Variants in FBN1 observed in about 807,000 individuals in gnomAD.
FBN1 encodes the protein fibrillin 1, also known as fibrillin-1.
In FBN1, 29 loss-of-function variants were observed where a neutral mutation model predicts 365.1. That is an observed-to-expected ratio of 0.08 (90% CI 0.06 to 0.11). The LOEUF (loss-of-function observed/expected upper bound fraction) is 0.11. FBN1 is among the 10% of genes least tolerant of loss of function. The pLI, the probability that FBN1 is intolerant of heterozygous loss-of-function variation, is 1.00. For missense variants in FBN1, 2,476 were observed against 3,703.2 expected (o/e 0.67, Z 8.60); for synonymous variants, 1,210 against 1,270.5 (o/e 0.95, Z 1.01).
At chr15:48,623,891 T>C (rs1426686689) in intron 2 of FBN1, among the ~76,000 whole-genome samples, 2 of 151,618 alleles carry the variant, frequency 1.3e-5, no homozygotes, top group African/African-American at 4.8e-5. Context: ...GTCGTCCCCC[T>C]TCAAGGGCAT....
At chr15:48,637,923 T>C (rs565373400) in intron 2 of FBN1, among the ~76,000 whole-genome samples, 6 of 152,304 alleles carry the variant, frequency 3.9e-5, no homozygotes, top group Non-Finnish European at 7.3e-5. Context: ...TCTGCTGCTG[T>C]AGGGAGAAAG....
intron 2 of FBN1, among the ~76,000 whole-genome samples, chr15:48,613,314 C>T (rs2044671559): frequency 6.6e-6 from 1 of 152,132 alleles, no homozygotes; most frequent in Non-Finnish European, 1.5e-5. Context: ...TATGGCCCAT[C>T]AGGGAAATAA....
chr15:48,578,300 A>T (rs2044364753), intron 6 of FBN1, among the ~76,000 whole-genome samples: 3 of 152,292 alleles, frequency 2.0e-5, no homozygotes, highest in Non-Finnish European at 4.4e-5. Flanking sequence ...GTCCACAGGG[A>T]TAATGACTGA....
Position 48,629,919 on chromosome 15 carries a change from T to C in FBN1, c.164+14687A>G, listed in dbSNP as rs1394892220. 5.9e-5 allele frequency among the ~76,000 whole-genome samples: 9 copies of C among 152,344 alleles called. No individual in the cohort carries two copies. The East Asian group carries it at 1.5e-3, about 26-fold the overall frequency. On this transcript the variant is annotated intron_variant, in intron 2 of 65. Coordinates refer to ENST00000316623, the MANE Select transcript of FBN1 (RefSeq NM_000138.5). ...CCTTTATCTGTTACGCAGCTCAACA[T>C]TCCTGAGAGGGAGGGGACCCCCATT...
intron 7 of FBN1, among the ~76,000 whole-genome samples, chr15:48,534,545 C>T (rs1487925771): frequency 6.6e-6 from 1 of 152,166 alleles, no homozygotes; most frequent in Non-Finnish European, 1.5e-5. Flanking sequence ...TTATTCACGG[C>T]CTCATTTTTA....
intron 42 of FBN1, among the ~76,000 whole-genome samples, chr15:48,462,725 A>C (rs1016440285): frequency 6.6e-6 from 1 of 152,218 alleles, no homozygotes; most frequent in Non-Finnish European, 1.5e-5. Context: ...TAAATAAGTA[A>C]AAAGACAAGG....
intron 2 of FBN1, among the ~76,000 whole-genome samples, chr15:48,618,908 A>G (rs900833556): frequency 6.6e-6 from 1 of 152,104 alleles, no homozygotes; most frequent in African/African-American, 2.4e-5. Flanking sequence ...ACTGTCTCCT[A>G]TCACCACCAG....
chr15:48,599,559 T>C (rs1156611893), intron 5 of FBN1, among the ~76,000 whole-genome samples: 1 of 152,140 alleles, frequency 6.6e-6, no homozygotes, highest in African/African-American at 2.4e-5. Context: ...AACAAGGTTT[T>C]TAAAAAGAAT....
intron 6 of FBN1, among the ~76,000 whole-genome samples, chr15:48,542,733 G>A (rs1015752413): frequency 3.3e-5 from 5 of 150,274 alleles, no homozygotes; most frequent in African/African-American, 9.9e-5. Context: ...AGGCATATAC[G>A]TCTTGCAAAA....
rs2043318968 is a variant in FBN1 at position 48,466,030 on chromosome 15, C to T, written c.4748-172G>A. ...CACCTTTGTGTACACTTCCCATTTT[C>T]CAGTGGTTTTTATTATGTGTCCCCA... On this transcript the variant is annotated intron_variant, in intron 38 of 65. Transcript: ENST00000316623. 5.9e-5 allele frequency among the ~76,000 whole-genome samples: 9 copies of T among 152,322 alleles called. No homozygotes were observed. In the South Asian group the frequency reaches 1.9e-3, roughly 32 times the overall value.
Position 48,415,679 on chromosome 15 carries a change from G to A in FBN1, c.7908C>T (p.Gly2636=). ...LGSYKCMCPA[G]FQYEQFSGGC... is the part of the protein sequence containing the mutation. ...CTCCACTGAACTGTTCATACTGGAA[G>A]CCGGCGGGACACATGCACTTGTAGC... Residue 2636 remains glycine, a synonymous_variant, in exon 64 of 66, where the codon GGC becomes GGT. Transcript: ENST00000316623. 6.2e-7 allele frequency: 1 copy of A among 1,614,248 alleles called. No individual in the cohort carries two copies. The highest frequency in any genetic ancestry group is 8.5e-7 in the Non-Finnish European group (1 of 1,180,042).
At chr15:48,480,065 A>C (rs1440151415) in intron 32 of FBN1, among the ~76,000 whole-genome samples, 1 of 152,180 alleles carries the variant, frequency 6.6e-6, no homozygotes, top group Non-Finnish European at 1.5e-5. Context: ...TAACATGAAA[A>C]TTTAAGCTTT....
Position 48,434,162 on chromosome 15 carries a change from T to C in FBN1, c.6616+432A>G, listed in dbSNP as rs147917780. On this transcript the variant is annotated intron_variant, in intron 54 of 65. Coordinates refer to ENST00000316623, the MANE Select transcript of FBN1 (RefSeq NM_000138.5). ...TACAGGCAACCGCTTTTGCTGTGAT[T>C]GCCTCCAAATGGCTACAGGATGATG... Among the ~76,000 whole-genome samples the C allele has an allele frequency of 5.0e-3, 768 of 152,294 alleles. 5 individuals are homozygous for C. The highest frequency in any genetic ancestry group is 0.018 in the African/African-American group (737 of 41,560).
chr15:48,451,703 A>C (rs2043203124), intron 45 of FBN1, among the ~76,000 whole-genome samples: 8 of 152,022 alleles, frequency 5.3e-5, no homozygotes, highest in Admixed American at 5.2e-4. Context: ...TTCCTGACTA[A>C]TATACAATGA....
chr15:48,580,355 A>G (rs2044382450), intron 6 of FBN1, among the ~76,000 whole-genome samples: 1 of 152,140 alleles, frequency 6.6e-6, no homozygotes, highest in East Asian at 1.9e-4. Context: ...AGATCAAGCA[A>G]TCGATCAATC....
chr15:48,590,092 C>A (rs139490731), intron 6 of FBN1, among the ~76,000 whole-genome samples: 573 of 152,302 alleles, frequency 3.8e-3, no homozygotes, highest in African/African-American at 0.013. Flanking sequence ...TGTGGCATTA[C>A]CTTGGGAACT....
Position 48,483,498 on chromosome 15 carries a change from C to T in FBN1, c.3838+320G>A, listed in dbSNP as rs529940348. 6.6e-5 allele frequency among the ~76,000 whole-genome samples: 10 copies of T among 152,210 alleles called. No individual in the cohort carries two copies. In the South Asian group the frequency reaches 1.9e-3, roughly 28 times the overall value. On this transcript the variant is annotated intron_variant, in intron 31 of 65. Coordinates refer to ENST00000316623, the MANE Select transcript of FBN1 (RefSeq NM_000138.5). ...GAAGTAAATTTTGTTTGCCTTTAGT[C>T]AAGGATTTAAAAAGCCTACATGATA... is the stretch of plus-strand genomic sequence containing the variant.
In FBN1 at chr15:48,600,253, G is replaced by GA; in HGVS notation, c.347-20dup. 6.2e-7 allele frequency: 1 copy of GA among 1,600,196 alleles called. No homozygotes were observed. The highest frequency in any genetic ancestry group is 8.6e-7 in the Non-Finnish European group (1 of 1,168,028). On this transcript the variant is annotated intron_variant, in intron 4 of 65. Transcript: ENST00000316623. ...TGTTGTACTTGAAAAAAAAGAAGAA[G>GA]AATTCACTTTTGCAACTTAAATGCA...
intron 46 of FBN1, among the ~76,000 whole-genome samples, chr15:48,447,900 C>T (rs8029993): frequency 0.66 from 99,636 of 151,968 alleles, 34,018 homozygotes; most frequent in Middle Eastern, 0.78. Flanking sequence ...TTTAGCCAAA[C>T]TGGTGAAGTT....
Sources: gnomAD v4.1 joint callset for allele counts (sites outside exome capture counted in the v4.1 genomes callset) on GRCh38, gnomAD v4.1.1 for gene constraint, MANE v1.5 for transcripts, NCBI Gene and HGNC (gene_info 2026-07-23, HGNC 2026-07-21) for gene names.